The following MMP26 variants were observed in gnomAD, a reference collection of about 807,000 sequenced individuals.
MMP26 encodes the protein matrix metalloproteinase-26.
Under a neutral mutation model 31.0 loss-of-function variants are expected in MMP26, and 33 were observed. The ratio of observed to expected loss-of-function variants is 1.06; its 90% CI spans 0.81 to 1.42. MMP26 has a LOEUF of 1.42. Among genes scored for constraint, MMP26 ranks in the 40% most tolerant of loss-of-function variants. MMP26 has a pLI of 0.00. For missense variants in MMP26, 347 were observed against 316.1 expected, an observed-to-expected ratio of 1.10 and a Z score of -0.74; for synonymous variants, 122 against 114.9, an observed-to-expected ratio of 1.06 and a Z score of -0.40.
intron 2 of MMP26, among the ~76,000 whole-genome samples, chr11:4,806,728 A>G (rs1336388743): frequency 1.3e-5 from 2 of 152,174 alleles, no homozygotes; most frequent in Non-Finnish European, 2.9e-5. Context: ...TTAAACTGGA[A>G]TCTTGACCAT....
intron 2 of MMP26, among the ~76,000 whole-genome samples, chr11:4,981,146 G>A (rs1846807483): frequency 6.6e-6 from 1 of 151,924 alleles, no homozygotes; most frequent in Non-Finnish European, 1.5e-5. Context: ...GAGAGTCAAG[G>A]AACTGTTGTT....
intron 1 of MMP26, among the ~76,000 whole-genome samples, chr11:4,733,084 T>C (rs1211344295): frequency 6.6e-6 from 1 of 152,258 alleles, no homozygotes; most frequent in Non-Finnish European, 1.5e-5. Flanking sequence ...TATTAGTAAG[T>C]ATGCAACACC....
In MMP26 at chr11:4,781,605, A is replaced by C. The variant is rs1289734694; in HGVS notation, c.-145+14264A>C. On this transcript the variant is annotated intron_variant, in intron 2 of 7. Transcript: ENST00000380390. ...AAAAAAAAAAAAAAAAAAAAAAAAA[A>C]AACTGATTGCATAATCAAGTATTAA... is the stretch of plus-strand genomic sequence containing the variant. Among the ~76,000 whole-genome samples, 5 of 144,632 alleles carry C rather than the reference A, an allele frequency of 3.5e-5. 1 individual carries two copies. Among genetic ancestry groups the C allele is most frequent in the East Asian group, 2.1e-4 (1 of 4,854 alleles). The allele number at this position is 144,632 out of a possible 152,430, so 94.9% of individuals were successfully genotyped here. A position where few individuals can be genotyped will look rare whatever the true frequency, so the allele number is the denominator to read the frequency against.
intron 1 of MMP26, among the ~76,000 whole-genome samples, chr11:4,753,677 T>A (rs1197364369): frequency 6.6e-6 from 1 of 152,134 alleles, no homozygotes; most frequent in Non-Finnish European, 1.5e-5. Context: ...TTAACTTAGA[T>A]ACCAAATTTC....
chr11:4,932,871 C>T (rs1345516075), intron 2 of MMP26, among the ~76,000 whole-genome samples: 1 of 152,062 alleles, frequency 6.6e-6, no homozygotes, highest in Non-Finnish European at 1.5e-5. Context: ...TTCACTAGTT[C>T]CTCTCAAGAT....
At chr11:4,927,279 G>A (rs1234966472) in intron 2 of MMP26, among the ~76,000 whole-genome samples, 1 of 152,108 alleles carries the variant, frequency 6.6e-6, no homozygotes, top group South Asian at 2.1e-4. Context: ...TTAGTATAGA[G>A]CTTAATTGTT....
At chr11:4,788,712 T>G (rs1455582144) in intron 2 of MMP26, among the ~76,000 whole-genome samples, 1 of 152,156 alleles carries the variant, frequency 6.6e-6, no homozygotes, top group Admixed American at 6.5e-5. Flanking sequence ...TTAGGCATTT[T>G]GAAGGGTTAG....
At chr11:4,823,434 G>C (rs1849538365) in intron 2 of MMP26, among the ~76,000 whole-genome samples, 1 of 152,094 alleles carries the variant, frequency 6.6e-6, no homozygotes, top group Non-Finnish European at 1.5e-5. Context: ...TCACAACTCT[G>C]CCCTTTGGAA....
chr11:4,852,540 A>G (rs1053634880), intron 2 of MMP26, among the ~76,000 whole-genome samples: 1 of 152,176 alleles, frequency 6.6e-6, no homozygotes, highest in African/African-American at 2.4e-5. Flanking sequence ...TATTTACAAA[A>G]CAAAGAACGA....
rs201626472 is a variant in MMP26, at chr11:4,942,089, C to CAAAAAAAAAAAAAAAA, written c.-144-45973_-144-45958dup. Among the ~76,000 whole-genome samples the CAAAAAAAAAAAAAAAA allele has an allele frequency of 7.5e-3, 278 of 37,094 alleles. 27 individuals are homozygous for CAAAAAAAAAAAAAAAA. The highest frequency in any genetic ancestry group is 0.026 in the African/African-American group (230 of 8,924). 24.3% of individuals were successfully genotyped at this position (37,094 alleles called of 152,430 possible). A position where few individuals can be genotyped will look rare whatever the true frequency, so the allele number is the denominator to read the frequency against. On this transcript the variant is annotated intron_variant, in intron 2 of 7. Coordinates refer to ENST00000380390, the MANE Select transcript of MMP26 (RefSeq NM_021801.5). ...TGGGCAGCAGAATGAGAGTCCATCT[C>CAAAAAAAAAAAAAAAA]AAAAAAAAAAAAAAAAAAAAAGGAA...
At chr11:4,756,547 A>T (rs1848506375) in intron 1 of MMP26, 1 of 152,134 alleles carries the variant, frequency 6.6e-6, no homozygotes, top group African/African-American at 2.4e-5. Flanking sequence ...AATGGAAATT[A>T]AGCCGGTTTT....
chr11:4,945,357 G>A (rs539430251), intron 2 of MMP26: 1 of 152,178 alleles, frequency 6.6e-6, no homozygotes, highest in South Asian at 2.1e-4. Context: ...AAACTGTTCA[G>A]TAGGTTGATG....
intron 1 of MMP26, among the ~76,000 whole-genome samples, chr11:4,750,073 A>G (rs1272961370): frequency 3.3e-5 from 5 of 152,096 alleles, no homozygotes; most frequent in African/African-American, 1.2e-4. Flanking sequence ...AGGAATTCAA[A>G]CATCTCAACA....
chr11:4,849,098 C>T, intron 2 of MMP26: 8 of 1,614,070 alleles, frequency 5.0e-6, no homozygotes, highest in Non-Finnish European at 6.8e-6. Flanking sequence ...CAATGAGGGG[C>T]AATGTCCACC....
At chr11:4,711,377 C>T (rs537451107) in intron 1 of MMP26, 59 of 152,290 alleles carry the variant, frequency 3.9e-4, no homozygotes, top group African/African-American at 1.4e-3. Context: ...CCAAACATTA[C>T]AACAGCTTAT....
chr11:4,923,886 G>A lies in MMP26; in HGVS notation c.-144-64182G>A, dbSNP rs1385328677. On this transcript the variant is annotated intron_variant, in intron 2 of 7. Transcript: ENST00000380390. ...GGGAGGATGAGGAGAGCACTTCTAA[G>A]CACTGAGCTTAGCCCCATCTTGACA... is the stretch of plus-strand genomic sequence containing the variant. 5 of 1,613,944 alleles carry A rather than the reference G, an allele frequency of 3.1e-6. No individual in the cohort carries two copies. The African/African-American group carries it at 5.3e-5, about 17-fold the overall frequency.
intron 2 of MMP26, among the ~76,000 whole-genome samples, chr11:4,777,283 T>C (rs1051892013): frequency 6.6e-6 from 1 of 152,184 alleles, no homozygotes; most frequent in African/African-American, 2.4e-5. Context: ...TTAAGAATCA[T>C]AAAGGTTAAG....
chr11:4,923,429 C>T lies in MMP26; in HGVS notation c.-144-64639C>T, dbSNP rs548817895. On this transcript the variant is annotated intron_variant, in intron 2 of 7. Transcript: ENST00000380390. ...TATAAACTGAAACTTCTTAATGATG[C>T]GCTGGCGAATTTGCTTGGTCTTGAT... 1.0e-5 allele frequency: 16 copies of T among 1,595,804 alleles called. No homozygotes were observed. Among genetic ancestry groups the T allele is most frequent in the South Asian group, 4.5e-5 (4 of 88,294 alleles).
At chr11:4,751,006 A>G (rs935400664) in intron 1 of MMP26, among the ~76,000 whole-genome samples, 1 of 152,090 alleles carries the variant, frequency 6.6e-6, no homozygotes, top group Non-Finnish European at 1.5e-5. Flanking sequence ...CATAATAGCC[A>G]TTCAACTATG....
Sources: gnomAD v4.1 joint callset for allele counts (sites outside exome capture counted in the v4.1 genomes callset) on GRCh38, gnomAD v4.1.1 for gene constraint, MANE v1.5 for transcripts, NCBI Gene and HGNC (gene_info 2026-07-23, HGNC 2026-07-21) for gene names.